The following SPIDR variants were observed in gnomAD, a reference collection of about 807,000 sequenced individuals.
The protein encoded by SPIDR is scaffold protein involved in DNA repair, also known as DNA repair-scaffolding protein.
A neutral mutation model predicts 104.6 loss-of-function variants in SPIDR; 93 were observed. The ratio of observed to expected loss-of-function variants is 0.89; its 90% CI spans 0.75 to 1.06. The LOEUF (loss-of-function observed/expected upper bound fraction) is 1.06. Among genes scored for constraint, SPIDR ranks in the 50% least tolerant of loss-of-function variants. SPIDR has a pLI of 0.00. For missense variants in SPIDR, 1,154 were observed against 1,111.2 expected, an observed-to-expected ratio of 1.04 and a Z score of -0.55; for synonymous variants, 431 against 416.9, an observed-to-expected ratio of 1.03 and a Z score of -0.41.
chr8:47,360,799 C>A, intron 5 of SPIDR: 1 of 985,010 alleles, frequency 1.0e-6, no homozygotes, highest in Non-Finnish European at 1.2e-6. Context: ...AATTTGTCTA[C>A]TGGTCACCAG....
At chr8:47,704,413 A>G (rs2080775599) in intron 14 of SPIDR, among the ~76,000 whole-genome samples, 1 of 152,152 alleles carries the variant, frequency 6.6e-6, no homozygotes, top group South Asian at 2.1e-4. Flanking sequence ...ACACACAACC[A>G]AACCCTGGTG....
intron 8 of SPIDR, among the ~76,000 whole-genome samples, chr8:47,539,370 C>G (rs573089864): frequency 6.6e-6 from 1 of 152,122 alleles, no homozygotes; most frequent in African/African-American, 2.4e-5. Flanking sequence ...ATGCAGTGCC[C>G]AGAGCGAGGC....
At chr8:47,576,011 A>G (rs1288676133) in intron 8 of SPIDR, among the ~76,000 whole-genome samples, 2 of 151,472 alleles carry the variant, frequency 1.3e-5, no homozygotes, top group Non-Finnish European at 2.9e-5. Context: ...TTTGTAGTTA[A>G]GTGATAATTT....
chr8:47,277,784 C>G (rs1586218242), intron 1 of SPIDR, among the ~76,000 whole-genome samples: 2 of 150,802 alleles, frequency 1.3e-5, no homozygotes, highest in African/African-American at 4.9e-5. Context: ...AAGCAATTCT[C>G]CTGCCTCAGC....
intron 5 of SPIDR, 131 bp from the exon 6 acceptor site, chr8:47,396,245 A>G (rs1554658277): frequency 1.3e-6 from 1 of 762,074 alleles, no homozygotes; most frequent in Non-Finnish European, 2.1e-6. Context: ...AAAGCTGCAG[A>G]TACTGTATTC....
intron 8 of SPIDR, among the ~76,000 whole-genome samples, chr8:47,532,539 A>G (rs1188895482): frequency 6.6e-6 from 1 of 152,246 alleles, no homozygotes; most frequent in African/African-American, 2.4e-5. Context: ...TCAAAGATAA[A>G]GAGGGAGTAT....
At chr8:47,379,357 G>A (rs1433722189) in intron 5 of SPIDR, among the ~76,000 whole-genome samples, 3 of 152,030 alleles carry the variant, frequency 2.0e-5, no homozygotes, top group Non-Finnish European at 2.9e-5. Flanking sequence ...AGCCTGGGCA[G>A]CATGATGAAA....
chr8:47,279,941 C>A lies in SPIDR; in HGVS notation c.113C>A (p.Thr38Lys). 6.2e-7 allele frequency: 1 copy of A among 1,614,156 alleles called. No individual in the cohort carries two copies. Among genetic ancestry groups the A allele is most frequent in the African/African-American group, 1.3e-5 (1 of 75,048 alleles). Reference protein sequence around the residue: ...PLQVRRAGLRTAGAAASLSEA... With the variant: ...PLQVRRAGLRKAGAAASLSEA... ...CAGGTCAGAAGAGCAGGTCTCAGGA[C>A]AGCAGGGGCAGCTGCCTCTCTCTCT... Residue 38 changes from threonine (T) to lysine (K), a missense_variant, in exon 2 of 20, where the codon ACA becomes AAA. Thr to Lys is a moderately conservative substitution (Grantham distance 78). Transcript: ENST00000297423.
At chr8:47,731,384 C>T (rs960673523) in intron 19 of SPIDR, among the ~76,000 whole-genome samples, 4 of 152,236 alleles carry the variant, frequency 2.6e-5, no homozygotes, top group African/African-American at 4.8e-5. Context: ...ATGCTGAGGC[C>T]GGGCTGTGGA....
intron 8 of SPIDR, among the ~76,000 whole-genome samples, chr8:47,543,017 G>A (rs1401705653): frequency 6.6e-6 from 1 of 152,206 alleles, no homozygotes; most frequent in Non-Finnish European, 1.5e-5. Context: ...GCATGTATAA[G>A]TAGTTACTTT....
At chr8:47,473,631 A>G (rs1409351922) in intron 8 of SPIDR, among the ~76,000 whole-genome samples, 3 of 152,218 alleles carry the variant, frequency 2.0e-5, no homozygotes, top group Non-Finnish European at 4.4e-5. Flanking sequence ...ATTTTAGCAC[A>G]TTCAATAGGA....
At chr8:47,685,358 G>T (rs190128964) in intron 11 of SPIDR, among the ~76,000 whole-genome samples, 1 of 151,670 alleles carries the variant, frequency 6.6e-6, no homozygotes, top group Non-Finnish European at 1.5e-5. Context: ...AAATGGGCAG[G>T]GTTTTGTTTT....
chr8:47,550,463 C>G (rs2090261663), intron 8 of SPIDR, among the ~76,000 whole-genome samples: 1 of 152,152 alleles, frequency 6.6e-6, no homozygotes, highest in South Asian at 2.1e-4. Flanking sequence ...TTGTAGTTCT[C>G]CCTGAAGAGG....
chr8:47,538,812 A>G (rs2087466149), intron 8 of SPIDR, among the ~76,000 whole-genome samples: 1 of 150,380 alleles, frequency 6.6e-6, no homozygotes, highest in Non-Finnish European at 1.5e-5. Flanking sequence ...AGGGCAAGAA[A>G]TGATTATTGT....
At chr8:47,514,422 T>C (rs984622573) in intron 8 of SPIDR, among the ~76,000 whole-genome samples, 1 of 152,170 alleles carries the variant, frequency 6.6e-6, no homozygotes, top group African/African-American at 2.4e-5. Context: ...AAAAGGAAAA[T>C]GTGCTCCTTG....
chr8:47,664,108 G>A (rs1017186794), intron 10 of SPIDR, among the ~76,000 whole-genome samples: 2 of 152,134 alleles, frequency 1.3e-5, no homozygotes, highest in Admixed American at 1.3e-4. Context: ...TACTCTAGGG[G>A]GTCCAGTCAA....
At chr8:47,535,273 T>C (rs560050667) in intron 8 of SPIDR, among the ~76,000 whole-genome samples, 6 of 152,168 alleles carry the variant, frequency 3.9e-5, no homozygotes, top group Non-Finnish European at 8.8e-5. Context: ...TCTATAATCT[T>C]TCCCAGAAAA....
intron 10 of SPIDR, among the ~76,000 whole-genome samples, chr8:47,663,814 A>G (rs374797026): frequency 2.6e-5 from 4 of 152,192 alleles, no homozygotes; most frequent in African/African-American, 7.2e-5. Context: ...TTTATTTCCA[A>G]TGGAAATAAA....
chr8:47,346,064 A>C (rs1475773476), intron 5 of SPIDR, among the ~76,000 whole-genome samples: 1 of 152,158 alleles, frequency 6.6e-6, no homozygotes, highest in Non-Finnish European at 1.5e-5. Context: ...GAATGCTTCT[A>C]GTTTTTGCCC....
Sources: gnomAD v4.1 joint callset for allele counts (sites outside exome capture counted in the v4.1 genomes callset) on GRCh38, gnomAD v4.1.1 for gene constraint, MANE v1.5 for transcripts, NCBI Gene and HGNC (gene_info 2026-07-23, HGNC 2026-07-21) for gene names.